SNX19: variants seen among roughly 807,000 people sequenced by gnomAD.
SNX19 encodes sorting nexin-19.
Under a neutral mutation model 85.2 loss-of-function variants are expected in SNX19, and 60 were observed. The ratio of observed to expected loss-of-function variants is 0.70; its 90% CI spans 0.57 to 0.87. The LOEUF (loss-of-function observed/expected upper bound fraction) is 0.87, where lower values mean the gene tolerates loss of function less well. Among genes scored for constraint, SNX19 ranks in the 40% least tolerant of loss-of-function variants. The pLI is 0.00. For missense variants in SNX19, 1,201 were observed against 1,217.8 expected, an observed-to-expected ratio of 0.99 and a Z score of 0.21; for synonymous variants, 520 against 470.0, an observed-to-expected ratio of 1.11 and a Z score of -1.38.
chr11:130,895,328 C>G (rs1371415633), intron 8 of SNX19, among the ~76,000 whole-genome samples: 1 of 152,198 alleles, frequency 6.6e-6, no homozygotes, highest in South Asian at 2.1e-4. Flanking sequence ...CTTCTGGTCC[C>G]CCAGCACTGT....
intron 7 of SNX19, among the ~76,000 whole-genome samples, chr11:130,904,990 T>C (rs1945549958): frequency 6.6e-6 from 1 of 152,200 alleles, no homozygotes; most frequent in Non-Finnish European, 1.5e-5. Context: ...TCAGAAGAGA[T>C]GTCAGGTGAT....
At chr11:130,905,573 A>T (rs1945601100) in intron 7 of SNX19, 4 of 1,121,192 alleles carry the variant, frequency 3.6e-6, no homozygotes, top group Admixed American at 2.9e-5. Context: ...GAGTGGACTA[A>T]GAAGCCACGA....
In SNX19 at chr11:130,876,371, G is replaced by A. The variant is rs1199587741; in HGVS notation, c.*2051C>T. ...TCCATTATTTCCCTCCTGGGTAGAA[G>A]GAGGATCTGAGGACAGCTTATCTTT... On this transcript the variant is annotated 3_prime_UTR_variant, in exon 11 of 11. Transcript: ENST00000265909. The A allele has an allele frequency of 6.6e-6, 1 of 152,502 alleles. No individual in the cohort carries two copies. Among genetic ancestry groups the A allele is most frequent in the Non-Finnish European group, 1.5e-5 (1 of 68,058 alleles). The allele number at this position is 152,502 out of a possible 1,614,324, so 9.4% of individuals were successfully genotyped here. A position where few individuals can be genotyped will look rare whatever the true frequency, so the allele number is the denominator to read the frequency against.
rs1945395881 is a variant in SNX19, at chr11:130,903,333, A to G, written c.2495T>C (p.Leu832Pro). Residue 832 changes from leucine to proline, a missense_variant, in exon 8 of 11, where the codon CTA becomes CCA. Coordinates refer to ENST00000265909, the MANE Select transcript of SNX19 (RefSeq NM_014758.3). ...ACATAGCCATTTCCACTGTTCTGTT[A>G]GTAGCAAGAGGAGCAGATCCAGGGC... Reference protein sequence around the residue: ...DTALDLLLLLLTEQWKWLCTE... With the variant: ...DTALDLLLLLPTEQWKWLCTE... 1.2e-6 allele frequency: 2 copies of G among 1,613,550 alleles called. No individual in the cohort carries two copies. Among genetic ancestry groups the G allele is most frequent in the African/African-American group, 2.7e-5 (2 of 74,906 alleles).
rs188916085 is a variant in SNX19 at position 130,908,117 on chromosome 11, C to T, written c.2035-34G>A. ...GTCAGAGGTGCAGGGTCAGTCCATCCACATCCACAGATGGAAACCGCCAAG... is the reference window on the plus strand; with the variant it reads ...GTCAGAGGTGCAGGGTCAGTCCATCTACATCCACAGATGGAAACCGCCAAG... On this transcript the variant is annotated intron_variant, in intron 4 of 10. Coordinates refer to ENST00000265909, the MANE Select transcript of SNX19 (RefSeq NM_014758.3). 10 of 1,608,816 alleles carry T rather than the reference C, an allele frequency of 6.2e-6. No individual in the cohort carries two copies. The East Asian group carries it at 2.2e-4, about 36-fold the overall frequency.
intron 10 of SNX19, 87 bp downstream of exon 10, chr11:130,879,537 G>A: frequency 8.8e-7 from 1 of 1,133,718 alleles, no homozygotes; most frequent in South Asian, 1.3e-5. Flanking sequence ...TTTGGAATGT[G>A]GGCTTTTCAC....
chr11:130,913,997 T>A (rs377156506), intron 1 of SNX19, among the ~76,000 whole-genome samples: 1 of 152,196 alleles, frequency 6.6e-6, no homozygotes, highest in South Asian at 2.1e-4. Flanking sequence ...GCAGCTCAAG[T>A]GATTTTGAGG....
rs757138298 is a variant in SNX19 at position 130,914,474 on chromosome 11, T to C, written c.1466A>G (p.Asn489Ser). 19 of 1,613,718 alleles carry C rather than the reference T, an allele frequency of 1.2e-5. No homozygotes were observed. Among genetic ancestry groups the C allele is most frequent in the Non-Finnish European group, 1.4e-5 (17 of 1,179,820 alleles). Residue 489 changes from asparagine to serine, a missense_variant, in exon 1 of 11, where the codon AAT becomes AGT. Asn to Ser is a conservative substitution (Grantham distance 46). Transcript: ENST00000265909. ...AGTAGGATCAAGGGAGCTCACATCA[T>C]TGGTGAGATCCTTCTCTAAGCATGA... ...RPSCLEKDLT[N>S]DVSSLDPTLP...
chr11:130,894,831 C>A (rs560629551), intron 8 of SNX19: 13 of 985,334 alleles, frequency 1.3e-5, no homozygotes, highest in Non-Finnish European at 1.6e-5. Context: ...ACACCTATCT[C>A]ACAAGATCTA....
intron 4 of SNX19, 69 bp from the exon 5 acceptor site, chr11:130,908,152 G>A (rs559350867): frequency 1.2e-5 from 19 of 1,562,256 alleles, no homozygotes; most frequent in Middle Eastern, 1.7e-4. Flanking sequence ...GCAAGCAGTC[G>A]CCTCACAGCA....
chr11:130,914,515 G>A lies in SNX19; in HGVS notation c.1425C>T (p.Thr475=), dbSNP rs1946386329. ...CTAAGCATGACGGCCGTGAGGGGCAGGTCTTTTCTGGCCCCTCCAGCAAAG... is the reference window on the plus strand; with the variant it reads ...CTAAGCATGACGGCCGTGAGGGGCAAGTCTTTTCTGGCCCCTCCAGCAAAG... ...VTALLEGPEK[T]CPSRPSCLEK... The change falls in exon 1 of 11, where the codon ACC becomes ACT. Residue 475 remains threonine, a synonymous_variant. Transcript: ENST00000265909. 1 of 1,613,824 alleles carries A rather than the reference G, an allele frequency of 6.2e-7. No homozygotes were observed. Among genetic ancestry groups the A allele is most frequent in the Admixed American group, 1.7e-5 (1 of 59,992 alleles).
At position 130,871,374 on chromosome 11, in the gene SNX19, G is replaced by A. The variant is rs1943019734; in HGVS notation, c.*7048C>T. ...TAAACACAACTGCATAAAGTGGCAAGGAACTGGCCTGCCGTCAGCTCACTG... is the reference window on the plus strand; with the variant it reads ...TAAACACAACTGCATAAAGTGGCAAAGAACTGGCCTGCCGTCAGCTCACTG... On this transcript the variant is annotated 3_prime_UTR_variant, in exon 11 of 11. Coordinates refer to ENST00000265909, the MANE Select transcript of SNX19 (RefSeq NM_014758.3). 6.6e-6 allele frequency among the ~76,000 whole-genome samples: 1 copy of A among 152,176 alleles called. No homozygotes were observed.
At chr11:130,886,334 C>T (rs1393926255) in intron 8 of SNX19, among the ~76,000 whole-genome samples, 1 of 152,118 alleles carries the variant, frequency 6.6e-6, no homozygotes, top group African/African-American at 2.4e-5. Context: ...TGTGTGTATG[C>T]GCCTGTGCCT....
intron 4 of SNX19, among the ~76,000 whole-genome samples, chr11:130,908,934 A>G (rs528078489): frequency 2.6e-5 from 4 of 152,338 alleles, no homozygotes; most frequent in African/African-American, 9.6e-5. Context: ...GTATTCCTCC[A>G]TAAGGAGTAA....
Position 130,914,839 on chromosome 11 carries a change from T to C in SNX19, c.1101A>G (p.Leu367=). Reference sequence around the variant, plus strand: ...GAGACTCCAGCTCTGAGTCTTCACATAAGAACAGGGGACCTCGAACATTTG... The same window carrying C: ...GAGACTCCAGCTCTGAGTCTTCACACAAGAACAGGGGACCTCGAACATTTG... ...LQPNVRGPLF[L]CEDSELESPL... Residue 367 remains leucine, a synonymous_variant, in exon 1 of 11, where the codon TTA becomes TTG. Transcript: ENST00000265909. 6.2e-7 allele frequency: 1 copy of C among 1,614,208 alleles called. No individual in the cohort carries two copies. The highest frequency in any genetic ancestry group is 8.5e-7 in the Non-Finnish European group (1 of 1,180,026).
chr11:130,914,202 T>C (rs1039256937), intron 1 of SNX19, 64 bp downstream of exon 1: 8 of 1,389,384 alleles, frequency 5.8e-6, no homozygotes, highest in African/African-American at 1.4e-5. Context: ...GAACATTTGC[T>C]TCATGACTGC....
At chr11:130,905,921 T>C in intron 7 of SNX19, 32 bp downstream of exon 7, 2 of 1,614,102 alleles carry the variant, frequency 1.2e-6, no homozygotes, top group Non-Finnish European at 1.7e-6. Flanking sequence ...CCTGGCTCCC[T>C]TCTCCATGGG....
At chr11:130,911,837 C>G in intron 1 of SNX19, 66 bp from the exon 2 acceptor site, 2 of 1,531,956 alleles carry the variant, frequency 1.3e-6, no homozygotes, top group Non-Finnish European at 9.0e-7. Context: ...TCTGGCTTTA[C>G]TGACTACTTG....
In SNX19 at chr11:130,914,517, T is replaced by A; in HGVS notation, c.1423A>T (p.Thr475Ser). The A allele has an allele frequency of 1.9e-6, 3 of 1,613,936 alleles. No homozygotes were observed. In the South Asian group the frequency reaches 3.3e-5, roughly 18 times the overall value. Residue 475 changes from threonine to serine, a missense_variant, in exon 1 of 11, where the codon ACC (threonine) becomes TCC (serine). This residue lies in a region of SNX19 where 791 missense variants were observed against 750.9 expected (regional missense o/e 1.05). Coordinates refer to ENST00000265909, the MANE Select transcript of SNX19 (RefSeq NM_014758.3). ...AAGCATGACGGCCGTGAGGGGCAGGTCTTTTCTGGCCCCTCCAGCAAAGCT... is the reference window on the plus strand; with the variant it reads ...AAGCATGACGGCCGTGAGGGGCAGGACTTTTCTGGCCCCTCCAGCAAAGCT... ...VTALLEGPEK[T>S]CPSRPSCLEK...
Sources: allele counts gnomAD v4.1 joint callset (sites outside exome capture counted in the v4.1 genomes callset), GRCh38; gene constraint gnomAD v4.1.1; regional missense constraint gnomAD v4.1.1; transcripts MANE v1.5; gene names NCBI Gene and HGNC (gene_info 2026-07-23, HGNC 2026-07-21).